Variants in SPATA13 observed in about 807,000 individuals in gnomAD.
The protein encoded by SPATA13 is spermatogenesis-associated protein 13.
A neutral mutation model predicts 104.0 loss-of-function variants in SPATA13; 50 were observed. The ratio of observed to expected loss-of-function variants is 0.48; its 90% confidence interval spans 0.38 to 0.61. The LOEUF (loss-of-function observed/expected upper bound fraction) is 0.61. SPATA13 is among the 20% of genes least tolerant of loss of function. SPATA13 has a pLI of 0.00. For missense variants in SPATA13, 1,524 were observed against 1,690.6 expected (o/e 0.90, Z 1.73); for synonymous variants, 606 against 667.5 (o/e 0.91, Z 1.42).
chr13:24,053,047 G>A (rs537114986), intron 3 of SPATA13, among the ~76,000 whole-genome samples: 1 of 151,426 alleles, frequency 6.6e-6, no homozygotes, highest in East Asian at 1.9e-4. Flanking sequence ...CTGAAAAATA[G>A]GAATTCTCTT....
chr13:24,160,235 G>A (rs754888200), upstream of SPATA13, among the ~76,000 whole-genome samples: 19 of 152,078 alleles, frequency 1.2e-4, no homozygotes, highest in Non-Finnish European at 2.4e-4. Flanking sequence ...GTGGCTGAGG[G>A]AACTATTTTT....
intron 2 of SPATA13, among the ~76,000 whole-genome samples, chr13:24,235,617 T>G (rs959217261): frequency 1.6e-4 from 24 of 152,058 alleles, no homozygotes; most frequent in African/African-American, 4.8e-4. Flanking sequence ...AAAAGCCAGG[T>G]GTGGTGGTGC....
intron 4 of SPATA13, among the ~76,000 whole-genome samples, chr13:24,280,486 A>C: frequency 9.2e-6 from 1 of 108,554 alleles, no homozygotes; most frequent in Non-Finnish European, 1.9e-5. Flanking sequence ...TTTTACTGAG[A>C]TGCACTTTTT....
intron 2 of SPATA13, among the ~76,000 whole-genome samples, chr13:24,242,710 C>T (rs1290439680): frequency 3.3e-5 from 5 of 152,062 alleles, no homozygotes; most frequent in African/African-American, 7.2e-5. Flanking sequence ...GTTAAAAATA[C>T]CACCCCCTCC....
chr13:24,251,112 A>G (rs1377501212), intron 3 of SPATA13, among the ~76,000 whole-genome samples: 1 of 152,250 alleles, frequency 6.6e-6, no homozygotes, highest in African/African-American at 2.4e-5. Flanking sequence ...CCAGAAGGGC[A>G]TTATAAGAGA....
In SPATA13 at chr13:24,298,450, T is replaced by A. The variant is rs546810254; in HGVS notation, c.3583+715T>A. On this transcript the variant is annotated intron_variant, in intron 11 of 12. Coordinates refer to ENST00000382108, the MANE Select transcript of SPATA13 (RefSeq NM_001166271.3). ...TTCCCAGCTTCTGCTGACCTGGAGG[T>A]GCAGTGTGGCCCCTGAGACTGAAGC... is the stretch of plus-strand genomic sequence containing the variant. Among the ~76,000 whole-genome samples, 13 of 152,302 alleles carry A rather than the reference T, an allele frequency of 8.5e-5. No homozygotes were observed. In the South Asian group the frequency reaches 2.3e-3, roughly 27 times the overall value.
chr13:24,013,055 T>G (rs764437784), intron 2 of SPATA13, among the ~76,000 whole-genome samples: 3 of 152,130 alleles, frequency 2.0e-5, no homozygotes, highest in Non-Finnish European at 4.4e-5. Context: ...ACCCCTTTGC[T>G]AATACCCCAC....
intron 3 of SPATA13, among the ~76,000 whole-genome samples, chr13:24,155,227 T>C (rs1027265369): frequency 1.3e-5 from 2 of 152,124 alleles, no homozygotes; most frequent in African/African-American, 4.8e-5. Context: ...TAGTGAAAGA[T>C]GAAAGGGGGA....
At chr13:24,183,841 T>C (rs1015197080) in intron 1 of SPATA13, among the ~76,000 whole-genome samples, 1 of 152,132 alleles carries the variant, frequency 6.6e-6, no homozygotes, top group African/African-American at 2.4e-5. Context: ...TTAGAGGCAC[T>C]CACTCTCATC....
chr13:23,993,887 T>G (rs1282628972), intron 2 of SPATA13, among the ~76,000 whole-genome samples: 1 of 152,156 alleles, frequency 6.6e-6, no homozygotes, highest in Admixed American at 6.5e-5. Context: ...TTTGCTTATG[T>G]TCAAGGTATG....
rs1339157061 is a variant in SPATA13 at position 24,284,187 on chromosome 13, TGAG to T, written c.2223_2225del (p.Glu741del). 1 of 1,613,774 alleles carries T rather than the reference TGAG, an allele frequency of 6.2e-7. No individual in the cohort carries two copies. The highest frequency in any genetic ancestry group is 1.3e-5 in the African/African-American group (1 of 74,914). On this transcript the variant is annotated inframe_deletion, in exon 5 of 13. Coordinates refer to ENST00000382108, the MANE Select transcript of SPATA13 (RefSeq NM_001166271.3). ...CTGCCTTAGTGGATGACAACGGTAG[TGAG>T]GAGGACTTCAGCTATGAAGACCTCT...
intron 4 of SPATA13, among the ~76,000 whole-genome samples, chr13:24,279,550 C>T (rs1196551977): frequency 1.3e-5 from 2 of 152,112 alleles, no homozygotes; most frequent in East Asian, 1.9e-4. Context: ...GGAGGGGACC[C>T]AGGCTTGAGT....
At chr13:24,041,758 GAGA>G (rs1877937260) in intron 3 of SPATA13, among the ~76,000 whole-genome samples, 1 of 152,136 alleles carries the variant, frequency 6.6e-6, no homozygotes, top group South Asian at 2.1e-4. Context: ...CTCAACCCAG[GAGA>G]AGGTCACACA....
At chr13:24,117,378 C>G (rs1265452747) in intron 3 of SPATA13, among the ~76,000 whole-genome samples, 1 of 152,138 alleles carries the variant, frequency 6.6e-6, no homozygotes, top group Non-Finnish European at 1.5e-5. Context: ...TTATCCTTGT[C>G]TTTGCTAACC....
chr13:24,123,356 G>A (rs1419703285), intron 3 of SPATA13: 2 of 1,314,218 alleles, frequency 1.5e-6, no homozygotes, highest in Non-Finnish European at 2.2e-6. Context: ...CACAGAAATA[G>A]TGAATTACCC....
intron 2 of SPATA13, among the ~76,000 whole-genome samples, chr13:23,984,159 G>A (rs1369820508): frequency 6.6e-6 from 1 of 152,204 alleles, no homozygotes; most frequent in Non-Finnish European, 1.5e-5. Flanking sequence ...GAAGCCTGCA[G>A]GTCTTGTGGT....
At chr13:24,163,805 TG>T (rs1404491861) in intron 1 of SPATA13, among the ~76,000 whole-genome samples, 2 of 152,210 alleles carry the variant, frequency 1.3e-5, no homozygotes, top group Admixed American at 6.5e-5. Flanking sequence ...CCCTATAGCT[TG>T]GTAGGTTGAC....
rs745587832 is a variant in SPATA13, at chr13:24,249,599, C to G, written c.1776C>G (p.Asp592Glu). Residue 592 changes from aspartate (D) to glutamate (E), a missense_variant, in exon 3 of 13, where the codon GAC becomes GAG. Coordinates refer to ENST00000382108, the MANE Select transcript of SPATA13 (RefSeq NM_001166271.3). ...GRRPRPRPFS[D>E]YGQLASRSLS... ...GGCCAAGGCCTCGGCCATTCTCTGACTACGGCCAGCTGGCCAGCCGCAGTT... is the reference window on the plus strand; with the variant it reads ...GGCCAAGGCCTCGGCCATTCTCTGAGTACGGCCAGCTGGCCAGCCGCAGTT... 6.2e-7 allele frequency: 1 copy of G among 1,614,034 alleles called. No homozygotes were observed. Among genetic ancestry groups the G allele is most frequent in the East Asian group, 2.2e-5 (1 of 44,888 alleles).
rs529222854 is a variant in SPATA13, at chr13:24,098,935, A to AG, written c.-112+81234_-112+81235insG. Among the ~76,000 whole-genome samples, 401 of 151,814 alleles carry AG rather than the reference A, an allele frequency of 2.6e-3. 4 individuals carry two copies. The highest frequency in any genetic ancestry group is 4.0e-3 in the Non-Finnish European group (275 of 67,902). ...AGCGAGACTCCATCTCAAAAAAAAA[A>AG]AAAAAAAGAAAAAAGAATTAGCCAA... On this transcript the variant is annotated intron_variant, in intron 3 of 14. Coordinates refer to the SPATA13 transcript ENST00000424834.
Sources: gnomAD v4.1 joint callset for allele counts (sites outside exome capture counted in the v4.1 genomes callset) on GRCh38, gnomAD v4.1.1 for gene constraint, MANE v1.5 for transcripts, NCBI Gene and HGNC (gene_info 2026-07-23, HGNC 2026-07-21) for gene names.